The following CFAP263 variants were observed in gnomAD, a reference collection of about 807,000 sequenced individuals.
The protein encoded by CFAP263 is cilia and flagella associated protein 263.
the CFAP263 span, among the ~76,000 whole-genome samples, chr16:58,277,683 A>C: frequency 6.6e-6 from 1 of 152,196 alleles, no homozygotes. Context: ...TCGAAGGATG[A>C]ATGGATAAAC....
chr16:58,269,627 C>A, the CFAP263 span, among the ~76,000 whole-genome samples: 4 of 152,102 alleles, frequency 2.6e-5, no homozygotes, highest in African/African-American at 9.7e-5. Flanking sequence ...CTTGGAATAA[C>A]ATTTCAAGGT....
the CFAP263 span, among the ~76,000 whole-genome samples, chr16:58,275,640 G>A: frequency 6.6e-6 from 1 of 152,150 alleles, no homozygotes; most frequent in East Asian, 1.9e-4. Context: ...CCTATAATGA[G>A]CCCTGATACA....
the CFAP263 span, among the ~76,000 whole-genome samples, chr16:58,266,848 C>T: frequency 2.6e-5 from 4 of 152,146 alleles, no homozygotes; most frequent in African/African-American, 9.7e-5. Context: ...TGCAGGACTC[C>T]TCTAAAACTA....
At chr16:58,259,982 G>A in the CFAP263 span, 1 of 1,306,978 alleles carries the variant, frequency 7.7e-7, no homozygotes, top group Non-Finnish European at 1.1e-6. Context: ...TAAGGTTACT[G>A]TGGTAGGCTG....
At chr16:58,254,120 C>T in the CFAP263 span, 4 of 1,614,218 alleles carry the variant, frequency 2.5e-6, no homozygotes, top group Non-Finnish European at 3.4e-6. Context: ...ACTTACGACA[C>T]ACAAGGGCAA....
chr16:58,249,961 G>A, the CFAP263 span: 4 of 1,248,832 alleles, frequency 3.2e-6, no homozygotes, highest in Admixed American at 4.0e-5. Context: ...CGTGGCCGCC[G>A]GCACCCGGAG....
the CFAP263 span, among the ~76,000 whole-genome samples, chr16:58,266,401 ATATATTTTTT>A: frequency 5.7e-4 from 24 of 41,812 alleles, no homozygotes; most frequent in African/African-American, 1.7e-3. Context: ...ATATATATAT[ATATATTTTTT>A]TTTTTTTTTT....
At chr16:58,266,397 ATATATATATTTTTTTTT>A in the CFAP263 span, among the ~76,000 whole-genome samples, 5 of 43,390 alleles carry the variant, frequency 1.2e-4, no homozygotes, top group Admixed American at 4.5e-4. Flanking sequence ...ATATATATAT[ATATATATATTTTTTTTT>A]TTTTTTTTTT....
At chr16:58,251,630 G>A in the CFAP263 span, among the ~76,000 whole-genome samples, 5 of 152,180 alleles carry the variant, frequency 3.3e-5, 1 homozygote, top group Non-Finnish European at 7.3e-5. Context: ...GACCTCAGGT[G>A]ATCCACCTGC....
chr16:58,260,011 AC>A, the CFAP263 span: 1 of 837,900 alleles, frequency 1.2e-6, no homozygotes, highest in Non-Finnish European at 1.9e-6. Context: ...TCCCACCCCC[AC>A]CCCAAAATAT....
chr16:58,269,039 A>G, the CFAP263 span, among the ~76,000 whole-genome samples: 1 of 152,162 alleles, frequency 6.6e-6, no homozygotes, highest in East Asian at 1.9e-4. Flanking sequence ...GCCATTAGAA[A>G]TCCTTCCCCA....
the CFAP263 span, among the ~76,000 whole-genome samples, chr16:58,253,632 C>A: frequency 6.6e-6 from 1 of 152,208 alleles, no homozygotes; most frequent in Non-Finnish European, 1.5e-5. Context: ...CACAGTCCCC[C>A]ACGGATGCAG....
At chr16:58,272,053 C>T in the CFAP263 span, among the ~76,000 whole-genome samples, 202 of 149,526 alleles carry the variant, frequency 1.4e-3, 1 homozygote, top group African/African-American at 4.6e-3. Context: ...CTCACTCTGT[C>T]GCCCAGGCTG....
the CFAP263 span, chr16:58,258,620 C>T: frequency 8.7e-7 from 1 of 1,147,800 alleles, no homozygotes; most frequent in East Asian, 2.4e-5. Context: ...CTTTGGTCCA[C>T]CATAAATGTT....
chr16:58,280,326 C>A, the CFAP263 span: 1 of 1,614,154 alleles, frequency 6.2e-7, no homozygotes, highest in South Asian at 1.1e-5. Context: ...CTTCCCCCAC[C>A]TCCCCACCGT....
At chr16:58,266,867 G>A in the CFAP263 span, among the ~76,000 whole-genome samples, 88,877 of 152,020 alleles carry the variant, frequency 0.58, 27,056 homozygotes, top group African/African-American at 0.75. Flanking sequence ...TAGCAGGTCC[G>A]GCCTCGTTAG....
At chr16:58,279,881 C>T in the CFAP263 span, 2 of 910,190 alleles carry the variant, frequency 2.2e-6, no homozygotes, top group East Asian at 2.5e-5. Context: ...GCCTGGTGTT[C>T]CCAACCCCCC....
the CFAP263 span, chr16:58,280,323 C>T: frequency 6.2e-7 from 1 of 1,614,150 alleles, no homozygotes; most frequent in South Asian, 1.1e-5. Context: ...TACCTTCCCC[C>T]ACCTCCCCAC....
the CFAP263 span, chr16:58,280,470 C>T: frequency 6.2e-7 from 1 of 1,614,186 alleles, no homozygotes; most frequent in African/African-American, 1.3e-5. Flanking sequence ...TTCTTTGTCC[C>T]TGCAAGTATG....
Sources: allele counts gnomAD v4.1 joint callset (sites outside exome capture counted in the v4.1 genomes callset), GRCh38; gene constraint gnomAD v4.1.1; transcripts MANE v1.5; gene names NCBI Gene and HGNC (gene_info 2026-07-23, HGNC 2026-07-21).